The following DLGAP2 variants were observed in gnomAD, a reference collection of about 807,000 sequenced individuals.
DLGAP2 encodes the protein DLG associated protein 2.
In DLGAP2, 26 loss-of-function variants were observed where a neutral mutation model predicts 100.3. The ratio of observed to expected loss-of-function variants is 0.26; its 90% confidence interval spans 0.19 to 0.36. The LOEUF (loss-of-function observed/expected upper bound fraction) is 0.36. Among genes scored for constraint, DLGAP2 ranks in the 10% least tolerant of loss-of-function variants. The pLI is 1.00. For synonymous variants in DLGAP2, 886 were observed against 630.1 expected (o/e 1.41, Z -6.08); for missense variants, 1,858 against 1,453.2 (o/e 1.28, Z -4.53).
chr8:1,153,335 C>G (rs1471394415), intron 2 of DLGAP2, among the ~76,000 whole-genome samples: 1 of 152,146 alleles, frequency 6.6e-6, no homozygotes. Flanking sequence ...ACTTGCCTAC[C>G]TCAAGAGCTA....
chr8:1,390,255 G>A lies in DLGAP2; in HGVS notation c.107-111111G>A, dbSNP rs527919869. Among the ~76,000 whole-genome samples the A allele has an allele frequency of 9.2e-5, 14 of 152,202 alleles. No individual in the cohort carries two copies. In the South Asian group the frequency reaches 2.7e-3, roughly 29 times the overall value. On this transcript the variant is annotated intron_variant, in intron 3 of 14. Coordinates refer to ENST00000637795, the MANE Select transcript of DLGAP2 (RefSeq NM_001346810.2). ...AACCAGATGGGAGCCTCTCATCTGG[G>A]CTTCTCCAGAAGGCGCAGAAATGTG...
intron 6 of DLGAP2, chr8:1,622,405 T>G (rs111750433): frequency 6.6e-6 from 1 of 152,224 alleles, no homozygotes. Context: ...TTCAAGCATG[T>G]TTAGATGGAT....
At chr8:988,940 G>C (rs1425345170) in intron 2 of DLGAP2, among the ~76,000 whole-genome samples, 3 of 152,208 alleles carry the variant, frequency 2.0e-5, no homozygotes, top group Non-Finnish European at 4.4e-5. Context: ...TCCACATGCT[G>C]TGGATTTTTA....
chr8:1,193,823 G>T (rs1797692056), intron 2 of DLGAP2, among the ~76,000 whole-genome samples: 1 of 152,150 alleles, frequency 6.6e-6, no homozygotes, highest in Non-Finnish European at 1.5e-5. Context: ...GAGACCCCCA[G>T]ACAGCATCCG....
chr8:1,536,877 A>T (rs141866619), intron 4 of DLGAP2, among the ~76,000 whole-genome samples: 1 of 152,136 alleles, frequency 6.6e-6, no homozygotes. Context: ...AGGAGGCGAC[A>T]TGAGGGCATT....
intron 2 of DLGAP2, among the ~76,000 whole-genome samples, chr8:1,172,599 C>G (rs563384597): frequency 9.9e-5 from 15 of 152,224 alleles, no homozygotes; most frequent in African/African-American, 3.4e-4. Context: ...ATTCTTTTTT[C>G]TCTAAACTTC....
At chr8:1,129,600 C>G (rs1188512188) in intron 2 of DLGAP2, among the ~76,000 whole-genome samples, 1 of 152,122 alleles carries the variant, frequency 6.6e-6, no homozygotes, top group Non-Finnish European at 1.5e-5. Flanking sequence ...TTGCGGGAAG[C>G]CTGAGTTTGC....
intron 3 of DLGAP2, among the ~76,000 whole-genome samples, chr8:1,472,570 G>A (rs568300657): frequency 1.8e-4 from 28 of 152,226 alleles, no homozygotes; most frequent in South Asian, 6.2e-4. Flanking sequence ...CAGTGGAGAC[G>A]CTGAGGTCAG....
intron 3 of DLGAP2, among the ~76,000 whole-genome samples, chr8:1,274,695 C>CT (rs145930765): frequency 0.011 from 238 of 22,220 alleles, 89 homozygotes; most frequent in African/African-American, 0.023. Context: ...TTTCATTTAT[C>CT]TTTTTTTTTT....
At chr8:1,128,629 A>G (rs1472475955) in intron 2 of DLGAP2, among the ~76,000 whole-genome samples, 1 of 152,190 alleles carries the variant, frequency 6.6e-6, no homozygotes, top group Non-Finnish European at 1.5e-5. Context: ...CCATGACCAG[A>G]TTGGCCAACA....
At chr8:1,226,104 T>C (rs1025947826) in intron 2 of DLGAP2, among the ~76,000 whole-genome samples, 1 of 152,174 alleles carries the variant, frequency 6.6e-6, no homozygotes, top group South Asian at 2.1e-4. Flanking sequence ...AAAGAACTTA[T>C]ATAATTAAAT....
Position 791,199 on chromosome 8 carries a change from C to G in DLGAP2, c.18+53374C>G, listed in dbSNP as rs979776592. On this transcript the variant is annotated intron_variant, in intron 1 of 14. Transcript: ENST00000637795. ...AAAGTAAAAGGAATAAATTAATAAT[C>G]AGCCCTAATCCTGCCACAGATATTT... Among the ~76,000 whole-genome samples the G allele has an allele frequency of 5.3e-5, 8 of 152,272 alleles. No individual in the cohort carries two copies. In the East Asian group the frequency reaches 1.5e-3, roughly 29 times the overall value.
chr8:1,563,651 G>C, intron 5 of DLGAP2, among the ~76,000 whole-genome samples: 1 of 152,106 alleles, frequency 6.6e-6, no homozygotes, highest in East Asian at 1.9e-4. Flanking sequence ...GGAAGTCCAG[G>C]ATATGTGAGT....
At chr8:848,150 A>G (rs1295764997) in intron 1 of DLGAP2, among the ~76,000 whole-genome samples, 1 of 152,214 alleles carries the variant, frequency 6.6e-6, no homozygotes, top group Non-Finnish European at 1.5e-5. Context: ...AGTTTACCAG[A>G]GGCAACCTTG....
intron 2 of DLGAP2, among the ~76,000 whole-genome samples, chr8:1,212,762 C>A (rs550448591): frequency 1.0e-4 from 13 of 130,000 alleles, no homozygotes; most frequent in African/African-American, 3.1e-4. Flanking sequence ...TCTCTCTCTT[C>A]CCCCCCGCCC....
intron 2 of DLGAP2, among the ~76,000 whole-genome samples, chr8:994,767 C>T (rs1487884528): frequency 1.3e-5 from 2 of 152,170 alleles, no homozygotes; most frequent in Non-Finnish European, 2.9e-5. Context: ...GACCTGCTCC[C>T]TTGCTGGCAA....
chr8:1,444,215 C>G (rs1797917533), intron 3 of DLGAP2, among the ~76,000 whole-genome samples: 1 of 152,132 alleles, frequency 6.6e-6, no homozygotes, highest in Non-Finnish European at 1.5e-5. Context: ...CCTCCCACAG[C>G]TCTGGGATTA....
At chr8:1,409,609 G>A (rs1449952707) in intron 3 of DLGAP2, among the ~76,000 whole-genome samples, 2 of 152,222 alleles carry the variant, frequency 1.3e-5, no homozygotes, top group African/African-American at 4.8e-5. Context: ...TGCCCACAGA[G>A]CTGGGAAGAC....
chr8:762,529 C>T (rs1019133971), intron 1 of DLGAP2, among the ~76,000 whole-genome samples: 9 of 152,112 alleles, frequency 5.9e-5, no homozygotes, highest in African/African-American at 1.4e-4. Flanking sequence ...CATTCCGAGT[C>T]GCCACTTTGC....
Sources: allele counts gnomAD v4.1 joint callset (sites outside exome capture counted in the v4.1 genomes callset), GRCh38; gene constraint gnomAD v4.1.1; transcripts MANE v1.5; gene names NCBI Gene and HGNC (gene_info 2026-07-23, HGNC 2026-07-21).